Variants in SETBP1 observed in about 807,000 individuals in gnomAD.
SETBP1 encodes the protein SET binding protein 1.
Under a neutral mutation model 101.0 loss-of-function variants are expected in SETBP1, and 9 were observed. The ratio of observed to expected loss-of-function variants is 0.09; its 90% CI spans 0.05 to 0.16. The LOEUF (loss-of-function observed/expected upper bound fraction) is 0.16, where lower values mean the gene tolerates loss of function less well. Ranked by LOEUF, SETBP1 falls within the 10% of genes least tolerant of loss-of-function variation. SETBP1 has a pLI of 1.00. For missense variants in SETBP1, 1,858 were observed against 2,033.8 expected (o/e 0.91, Z 1.66); for synonymous variants, 818 against 788.5 (o/e 1.04, Z -0.63).
At chr18:44,775,668 T>G (rs1234691579) in intron 2 of SETBP1, among the ~76,000 whole-genome samples, 1 of 152,100 alleles carries the variant, frequency 6.6e-6, no homozygotes, top group Non-Finnish European at 1.5e-5. Flanking sequence ...ACTTTTCATG[T>G]TTAGGTCAGT....
chr18:44,751,576 TTTG>T, intron 2 of SETBP1, among the ~76,000 whole-genome samples: 1 of 104,786 alleles, frequency 9.5e-6, no homozygotes, highest in Non-Finnish European at 2.3e-5. Flanking sequence ...TTATCCTTTA[TTTG>T]TCATTTTGTT....
intron 3 of SETBP1, among the ~76,000 whole-genome samples, chr18:44,913,992 G>A (rs1287039523): frequency 3.9e-5 from 6 of 152,040 alleles, no homozygotes; most frequent in African/African-American, 1.2e-4. Flanking sequence ...AATAATGCAG[G>A]ACTCAGGATG....
intron 4 of SETBP1, among the ~76,000 whole-genome samples, chr18:44,981,656 G>A (rs1055544293): frequency 1.3e-5 from 2 of 152,164 alleles, no homozygotes; most frequent in Non-Finnish European, 2.9e-5. Flanking sequence ...TGGCTGCCTT[G>A]CCCACATTTA....
intron 4 of SETBP1, among the ~76,000 whole-genome samples, chr18:45,004,146 G>A (rs2072675772): frequency 6.6e-6 from 1 of 152,206 alleles, no homozygotes; most frequent in Admixed American, 6.5e-5. Flanking sequence ...AATCTCACCT[G>A]ATGAACACCA....
intron 4 of SETBP1, among the ~76,000 whole-genome samples, chr18:44,978,311 CAG>C: frequency 6.6e-6 from 1 of 152,222 alleles, no homozygotes; most frequent in Non-Finnish European, 1.5e-5. Context: ...ATTCCGACTG[CAG>C]AGTGATCAAG....
intron 2 of SETBP1, among the ~76,000 whole-genome samples, chr18:44,706,692 G>A (rs758582329): frequency 2.0e-4 from 29 of 147,120 alleles, no homozygotes; most frequent in African/African-American, 2.8e-4. Context: ...CTTCTCTTTC[G>A]TGAGGATGTT....
At chr18:45,021,815 C>G (rs140634712) in intron 4 of SETBP1, among the ~76,000 whole-genome samples, 125 of 152,024 alleles carry the variant, frequency 8.2e-4, no homozygotes, top group Non-Finnish European at 1.5e-3. Context: ...CAAAAATAAT[C>G]ATTTGAGCAT....
At chr18:44,781,861 C>A (rs955693821) in intron 2 of SETBP1, among the ~76,000 whole-genome samples, 4 of 152,172 alleles carry the variant, frequency 2.6e-5, no homozygotes, top group African/African-American at 9.7e-5. Context: ...AGAAGTCAGG[C>A]CAGAGAAAGC....
intron 1 of SETBP1, among the ~76,000 whole-genome samples, chr18:44,684,062 T>C (rs1451420016): frequency 6.6e-6 from 1 of 152,128 alleles, no homozygotes; most frequent in Non-Finnish European, 1.5e-5. Context: ...CAGCACTGGG[T>C]TGAAGAAAGG....
At chr18:44,919,910 GT>G (rs1180072031) in intron 3 of SETBP1, among the ~76,000 whole-genome samples, 2 of 152,000 alleles carry the variant, frequency 1.3e-5, no homozygotes, top group African/African-American at 4.8e-5. Flanking sequence ...TATAAACATA[GT>G]TTTTGGGTTG....
chr18:44,685,612 TA>T (rs1431883080), intron 1 of SETBP1, among the ~76,000 whole-genome samples: 1 of 152,024 alleles, frequency 6.6e-6, no homozygotes, highest in African/African-American at 2.4e-5. Context: ...ACCTAATCAG[TA>T]AAATAAAGAT....
At chr18:45,059,864 G>T (rs1042212732) in intron 5 of SETBP1, among the ~76,000 whole-genome samples, 1 of 152,272 alleles carries the variant, frequency 6.6e-6, no homozygotes, top group Non-Finnish European at 1.5e-5. Context: ...GCCTTGGGGG[G>T]AAGTAGATGT....
chr18:44,861,126 T>C (rs2068996388), intron 2 of SETBP1, among the ~76,000 whole-genome samples: 1 of 151,986 alleles, frequency 6.6e-6, no homozygotes, highest in Non-Finnish European at 1.5e-5. Context: ...CCCACCTCAG[T>C]GCCTCTCACT....
At chr18:44,886,754 T>TTTTTTATTA (rs1555696288) in intron 3 of SETBP1, among the ~76,000 whole-genome samples, 2 of 143,102 alleles carry the variant, frequency 1.4e-5, no homozygotes, top group African/African-American at 2.6e-5. Flanking sequence ...GACTGTACAT[T>TTTTTTATTA]TTATTATTAT....
At chr18:44,869,494 G>A (rs150282704) in intron 3 of SETBP1, 32 of 585,184 alleles carry the variant, frequency 5.5e-5, no homozygotes, top group Middle Eastern at 3.1e-4. Flanking sequence ...CTGCTCTTTC[G>A]TTCCTAATAT....
At chr18:44,745,681 G>A (rs1192350286) in intron 2 of SETBP1, among the ~76,000 whole-genome samples, 1 of 152,210 alleles carries the variant, frequency 6.6e-6, no homozygotes, top group African/African-American at 2.4e-5. Flanking sequence ...TGGGGAGGCA[G>A]GGTTCAGACT....
intron 2 of SETBP1, among the ~76,000 whole-genome samples, chr18:44,735,762 C>G (rs960690802): frequency 6.6e-6 from 1 of 152,208 alleles, no homozygotes; most frequent in Non-Finnish European, 1.5e-5. Flanking sequence ...TACTAGTAGT[C>G]CATGACTTAA....
chr18:45,060,878 G>A (rs1335814711), intron 5 of SETBP1, among the ~76,000 whole-genome samples: 1 of 152,244 alleles, frequency 6.6e-6, no homozygotes, highest in South Asian at 2.1e-4. Context: ...TGCAGCTCAT[G>A]GAGTATTTCC....
chr18:44,720,871 C>T (rs1011825474), intron 2 of SETBP1, among the ~76,000 whole-genome samples: 1 of 151,786 alleles, frequency 6.6e-6, no homozygotes, highest in African/African-American at 2.4e-5. Context: ...CTTTTTCCTA[C>T]GTGCACTAAG....
Sources: gnomAD v4.1 joint callset for allele counts (sites outside exome capture counted in the v4.1 genomes callset) on GRCh38, gnomAD v4.1.1 for gene constraint, MANE v1.5 for transcripts, NCBI Gene and HGNC (gene_info 2026-07-23, HGNC 2026-07-21) for gene names.